The following ANK2 variants were observed in gnomAD, a reference collection of about 807,000 sequenced individuals.
ANK2 encodes ankyrin 2.
ANK2 carries 83 observed loss-of-function variants against 360.5 expected under a neutral mutation model. The ratio of observed to expected loss-of-function variants is 0.23; its 90% CI spans 0.19 to 0.28. ANK2 has a LOEUF of 0.28. ANK2 is among the 10% of genes least tolerant of loss of function. ANK2 has a pLI of 1.00. For synonymous variants in ANK2, 1,740 were observed against 1,759.5 expected, an observed-to-expected ratio of 0.99 and a Z score of 0.28; for missense variants, 4,201 against 4,795.7, an observed-to-expected ratio of 0.88 and a Z score of 3.66.
chr4:112,743,517 C>T, the ANK2 span, among the ~76,000 whole-genome samples: 1 of 144,540 alleles, frequency 6.9e-6, no homozygotes, highest in Admixed American at 7.2e-5. Flanking sequence ...TTCCTTCCTT[C>T]CTTTCTTTCT....
chr4:113,243,558 T>A (rs763271127), intron 9 of ANK2, among the ~76,000 whole-genome samples: 2 of 152,192 alleles, frequency 1.3e-5, no homozygotes, highest in African/African-American at 2.4e-5. Flanking sequence ...CTGTCAAATC[T>A]TTGCTGTGGT....
intron 2 of ANK2, among the ~76,000 whole-genome samples, chr4:113,177,950 T>C (rs904817355): frequency 1.3e-5 from 2 of 152,220 alleles, no homozygotes; most frequent in African/African-American, 4.8e-5. Flanking sequence ...AATTATGAAA[T>C]GTAAAAGGAG....
intron 2 of ANK2, among the ~76,000 whole-genome samples, chr4:112,916,724 C>G (rs146977430): frequency 6.0e-4 from 92 of 152,232 alleles, no homozygotes; most frequent in African/African-American, 2.2e-3. Flanking sequence ...CCCCAAAACT[C>G]TGATACACAT....
intron 2 of ANK2, among the ~76,000 whole-genome samples, chr4:112,964,154 T>TA (rs777930802): frequency 1.2e-4 from 18 of 149,496 alleles, no homozygotes; most frequent in Non-Finnish European, 1.8e-4. Flanking sequence ...GATACTTTGA[T>TA]ACAGGCATGC....
At chr4:113,250,757 C>CCCG (rs1554339992) in intron 10 of ANK2, among the ~76,000 whole-genome samples, 4 of 123,350 alleles carry the variant, frequency 3.2e-5, no homozygotes, top group South Asian at 6.6e-4. Flanking sequence ...ATACCACCGC[C>CCCG]CCCCCCCCCG....
intron 2 of ANK2, among the ~76,000 whole-genome samples, chr4:112,929,954 G>A (rs558698265): frequency 2.0e-5 from 3 of 152,274 alleles, no homozygotes; most frequent in African/African-American, 7.2e-5. Context: ...GACTGTGATA[G>A]GATCTGTGAT....
At position 113,058,685 on chromosome 4, in the gene ANK2, G is replaced by T. The variant is rs925830039; in HGVS notation, c.84+8873G>T. On this transcript the variant is annotated intron_variant, in intron 1 of 45. Transcript: ENST00000357077. The stretch of plus-strand genomic sequence containing the variant: ...TCCATAGCACTGTCTTGTAATAAGT[G>T]CAGAGGGGTGGCAATACACCCAATG... 2.6e-5 allele frequency among the ~76,000 whole-genome samples: 4 copies of T among 152,166 alleles called. No homozygotes were observed. The South Asian group carries it at 8.3e-4, about 32-fold the overall frequency.
intron 4 of ANK2, among the ~76,000 whole-genome samples, chr4:113,201,101 C>T (rs1468907593): frequency 1.3e-5 from 2 of 151,740 alleles, no homozygotes; most frequent in African/African-American, 4.8e-5. Context: ...TGGGTAAATA[C>T]CCAAAGTGGT....
chr4:113,256,012 C>T, intron 11 of ANK2, 80 bp downstream of exon 11: 1 of 1,482,808 alleles, frequency 6.7e-7, no homozygotes. Context: ...ATGCATACAC[C>T]AGCAATGCAA....
At chr4:113,154,009 C>T (rs2097185578) in intron 1 of ANK2, among the ~76,000 whole-genome samples, 2 of 152,128 alleles carry the variant, frequency 1.3e-5, no homozygotes, top group African/African-American at 4.8e-5. Flanking sequence ...AGAAGAAACC[C>T]TTCACATTTT....
chr4:112,805,235 A>T, the ANK2 span, among the ~76,000 whole-genome samples: 1 of 152,232 alleles, frequency 6.6e-6, no homozygotes, highest in African/African-American at 2.4e-5. Context: ...TTGCATCATG[A>T]GGATGTTGAA....
chr4:112,884,428 A>C (rs918306706), intron 1 of ANK2, among the ~76,000 whole-genome samples: 5 of 152,236 alleles, frequency 3.3e-5, no homozygotes, highest in African/African-American at 1.2e-4. Context: ...TGTTCCAATA[A>C]AACTTTTTTA....
At chr4:113,351,438 T>A (rs1389942719) in intron 37 of ANK2, among the ~76,000 whole-genome samples, 1 of 152,184 alleles carries the variant, frequency 6.6e-6, no homozygotes, top group East Asian at 1.9e-4. Flanking sequence ...TTTATATAAT[T>A]GAACAAATTT....
intron 1 of ANK2, among the ~76,000 whole-genome samples, chr4:112,897,646 G>A (rs2082132241): frequency 1.3e-5 from 2 of 152,104 alleles, no homozygotes; most frequent in African/African-American, 4.8e-5. Flanking sequence ...TTTTATGGGG[G>A]AGGCCAGATG....
chr4:112,949,696 A>G (rs577873834), intron 2 of ANK2, among the ~76,000 whole-genome samples: 2 of 152,356 alleles, frequency 1.3e-5, no homozygotes, highest in East Asian at 3.9e-4. Context: ...TAAAATGACA[A>G]AACTGCTAGT....
rs2099337524 is a variant in ANK2, at chr4:113,233,134, T to C, written c.483+875T>C. On this transcript the variant is annotated intron_variant, in intron 5 of 45. Coordinates refer to ENST00000357077, the MANE Select transcript of ANK2 (RefSeq NM_001148.6). ...TTTTTTTTTTTTTTTTTTTTTTTTT[T>C]TTTTTTTTTTTTTTTTTTGAGACGG... is the stretch of plus-strand genomic sequence containing the variant. 1.3e-4 allele frequency among the ~76,000 whole-genome samples: 7 copies of C among 55,366 alleles called. 1 individual carries two copies. Among genetic ancestry groups the C allele is most frequent in the African/African-American group, 3.1e-4 (5 of 16,296 alleles). The allele number at this position is 55,366 out of a possible 152,430, so 36.3% of individuals were successfully genotyped here.
At chr4:112,757,182 G>A in the ANK2 span, among the ~76,000 whole-genome samples, 33 of 143,712 alleles carry the variant, frequency 2.3e-4, 1 homozygote, top group African/African-American at 8.2e-4. Context: ...GCGCAATCTC[G>A]GCTCACTGCA....
At chr4:113,043,077 A>G (rs2063363235) in intron 2 of ANK2, among the ~76,000 whole-genome samples, 1 of 152,150 alleles carries the variant, frequency 6.6e-6, no homozygotes. Context: ...GACCCCCCAA[A>G]TATCTGTTGG....
intron 26 of ANK2, among the ~76,000 whole-genome samples, chr4:113,321,492 G>A (rs1044207146): frequency 1.3e-5 from 2 of 152,082 alleles, no homozygotes; most frequent in Non-Finnish European, 2.9e-5. Flanking sequence ...GACTCTAACA[G>A]AATGAGTTAT....
Sources: gnomAD v4.1 joint callset for allele counts (sites outside exome capture counted in the v4.1 genomes callset) on GRCh38, gnomAD v4.1.1 for gene constraint, MANE v1.5 for transcripts, NCBI Gene and HGNC (gene_info 2026-07-23, HGNC 2026-07-21) for gene names.